Variants in JAK2 observed in about 807,000 individuals in gnomAD.
The protein encoded by JAK2 is tyrosine-protein kinase JAK2.
Under a neutral mutation model 139.3 loss-of-function variants are expected in JAK2, and 86 were observed. That is an observed-to-expected ratio of 0.62 (90% CI 0.52 to 0.74). JAK2 has a LOEUF of 0.74. Among genes scored for constraint, JAK2 ranks in the 30% least tolerant of loss-of-function variants. The pLI is 0.00. For missense variants in JAK2, 1,421 were observed against 1,360.3 expected (o/e 1.04, Z -0.70); for synonymous variants, 490 against 437.7 (o/e 1.12, Z -1.49).
At chr9:4,992,380 G>T (rs564728466) in intron 2 of JAK2, among the ~76,000 whole-genome samples, 42 of 152,180 alleles carry the variant, frequency 2.8e-4, no homozygotes, top group Non-Finnish European at 5.0e-4. Flanking sequence ...ATGTCCTACT[G>T]GTTGTAAGGG....
chr9:5,109,999 A>G (rs1822314832), intron 22 of JAK2: 1 of 152,190 alleles, frequency 6.6e-6, no homozygotes, highest in Non-Finnish European at 1.5e-5. Flanking sequence ...CGCATCGGCG[A>G]CATTGGTTTT....
chr9:5,085,773 T>C (rs1486580531), intron 19 of JAK2: 4 of 754,594 alleles, frequency 5.3e-6, no homozygotes, highest in South Asian at 2.8e-5. Flanking sequence ...TCGGGAGTTA[T>C]TATGATGAAT....
chr9:5,041,029 G>A, intron 4 of JAK2: 1 of 670,218 alleles, frequency 1.5e-6, no homozygotes, highest in Admixed American at 2.1e-5. Context: ...CCTGGGTACC[G>A]GTTCTACAAG....
chr9:5,038,726 AG>A (rs950632198), intron 4 of JAK2, among the ~76,000 whole-genome samples: 12 of 152,170 alleles, frequency 7.9e-5, no homozygotes, highest in African/African-American at 2.9e-4. Flanking sequence ...AGCGCTCTAA[AG>A]GTTTTGAATT....
At chr9:5,122,124 G>T (rs956980436) in intron 22 of JAK2, among the ~76,000 whole-genome samples, 6 of 152,116 alleles carry the variant, frequency 3.9e-5, no homozygotes, top group Admixed American at 3.9e-4. Context: ...GATTTGTGGA[G>T]ATTAGGAAAC....
chr9:5,072,661 T>C, intron 13 of JAK2, 35 bp downstream of exon 13: 1 of 1,509,570 alleles, frequency 6.6e-7, no homozygotes, highest in South Asian at 1.3e-5. Context: ...ATGTAGTTTA[T>C]GCTGTTTAAA....
intron 22 of JAK2, among the ~76,000 whole-genome samples, chr9:5,095,275 A>T (rs1820900979): frequency 6.6e-6 from 1 of 151,692 alleles, no homozygotes; most frequent in Admixed American, 6.6e-5. Flanking sequence ...TTTCACAGGA[A>T]CCCTCATCAC....
intron 3 of JAK2, among the ~76,000 whole-genome samples, chr9:5,024,371 A>T (rs1045817146): frequency 6.6e-6 from 1 of 152,198 alleles, no homozygotes; most frequent in Non-Finnish European, 1.5e-5. Flanking sequence ...AAAAGAAAAT[A>T]ATAGAAAAGA....
At chr9:5,002,197 C>A (rs1200723234) in intron 2 of JAK2, among the ~76,000 whole-genome samples, 1 of 151,430 alleles carries the variant, frequency 6.6e-6, no homozygotes, top group Non-Finnish European at 1.5e-5. Flanking sequence ...TCTTTCTTCA[C>A]TCTCTGGTTT....
chr9:5,005,593 T>C (rs995487284), intron 2 of JAK2, among the ~76,000 whole-genome samples: 3 of 152,224 alleles, frequency 2.0e-5, no homozygotes, highest in African/African-American at 4.8e-5. Context: ...TTTCCAAATA[T>C]GTTTATGAGA....
intron 14 of JAK2, among the ~76,000 whole-genome samples, chr9:5,074,955 G>T (rs376639301): frequency 2.0e-5 from 3 of 152,340 alleles, no homozygotes; most frequent in South Asian, 4.1e-4. Flanking sequence ...TGCTACTCCT[G>T]TGAGCACATA....
At position 5,041,607 on chromosome 9, in the gene JAK2, T is replaced by C. The variant is rs147125427; in HGVS notation, c.351-2796T>C. 5.9e-4 allele frequency: 294 copies of C among 495,918 alleles called. 1 individual carries two copies. The highest frequency in any genetic ancestry group is 5.3e-3 in the African/African-American group (262 of 49,250). 30.7% of individuals were successfully genotyped at this position (495,918 alleles called of 1,614,324 possible). On this transcript the variant is annotated intron_variant, in intron 4 of 24. Transcript: ENST00000381652. ...GCGCCTGGACTTTGAGAAGCCCGACTGTGACTACATGCGGCGCCTGGACTT... is the reference window on the plus strand; with the variant it reads ...GCGCCTGGACTTTGAGAAGCCCGACCGTGACTACATGCGGCGCCTGGACTT...
At chr9:5,048,617 A>C (rs1028669071) in intron 5 of JAK2, among the ~76,000 whole-genome samples, 9 of 152,014 alleles carry the variant, frequency 5.9e-5, no homozygotes, top group Admixed American at 5.2e-4. Context: ...TGTATTAGCA[A>C]CGTTTAGGCC....
At chr9:5,109,327 G>C (rs1218335630) in intron 22 of JAK2, 1 of 152,070 alleles carries the variant, frequency 6.6e-6, no homozygotes. Context: ...TTAAATTGTG[G>C]ATCTAATAAT....
chr9:5,117,155 A>G (rs1345956404), intron 22 of JAK2, among the ~76,000 whole-genome samples: 1 of 152,190 alleles, frequency 6.6e-6, no homozygotes, highest in African/African-American at 2.4e-5. Flanking sequence ...ACACACCTGA[A>G]CCTGCCAGCA....
chr9:5,125,249 C>T (rs117318310), intron 23 of JAK2, among the ~76,000 whole-genome samples: 2,314 of 150,804 alleles, frequency 0.015, 36 homozygotes, highest in South Asian at 0.035. Flanking sequence ...TATAAAAGTT[C>T]ACTTATATAA....
intron 4 of JAK2, among the ~76,000 whole-genome samples, chr9:5,043,638 G>T (rs1406761633): frequency 6.6e-6 from 1 of 152,262 alleles, no homozygotes; most frequent in East Asian, 1.9e-4. Context: ...ACAAAAACTT[G>T]TACATGACTC....
At position 5,090,830 on chromosome 9, in the gene JAK2, G is replaced by C; in HGVS notation, c.2978G>C (p.Gly993Ala). 6.2e-7 allele frequency: 1 copy of C among 1,613,418 alleles called. No homozygotes were observed. The highest frequency in any genetic ancestry group is 1.1e-5 in the South Asian group (1 of 91,020). Residue 993 changes from glycine to alanine, a missense_variant, in exon 22 of 25, where the codon GGA becomes GCA. By Grantham distance (60) the Gly-to-Ala change is moderately conservative. Transcript: ENST00000381652. ...GAGAACGAGAACAGAGTTAAAATTG[G>C]AGATTTTGGGTTAACCAAAGTCTTG... ...LVENENRVKI[G>A]DFGLTKVLPQ... is the part of the protein sequence containing the mutation.
chr9:5,027,815 T>C (rs1190009971), intron 3 of JAK2, among the ~76,000 whole-genome samples: 1 of 152,244 alleles, frequency 6.6e-6, no homozygotes, highest in Non-Finnish European at 1.5e-5. Context: ...CAATTCCTTA[T>C]ATGTCCAAGT....
Sources: allele counts gnomAD v4.1 joint callset (sites outside exome capture counted in the v4.1 genomes callset), GRCh38; gene constraint gnomAD v4.1.1; transcripts MANE v1.5; gene names NCBI Gene and HGNC (gene_info 2026-07-23, HGNC 2026-07-21).